Variants in CCDC178 observed in about 807,000 individuals in gnomAD.
CCDC178 encodes the protein coiled-coil domain containing 178.
In CCDC178, 126 loss-of-function variants were observed where a neutral mutation model predicts 117.4. That is an observed-to-expected ratio of 1.07 (90% confidence interval 0.93 to 1.24). The LOEUF (loss-of-function observed/expected upper bound fraction) is 1.24. Among genes scored for constraint, CCDC178 ranks in the 50% most tolerant of loss-of-function variants. The pLI, the probability that CCDC178 is intolerant of heterozygous loss-of-function variation, is 0.00. For missense variants in CCDC178, 1,030 were observed against 986.9 expected (o/e 1.04, Z -0.59); for synonymous variants, 283 against 313.4 (o/e 0.90, Z 1.02).
intron 2 of CCDC178, among the ~76,000 whole-genome samples, chr18:33,423,581 T>C (rs1883862916): frequency 6.6e-6 from 1 of 152,184 alleles, no homozygotes; most frequent in Admixed American, 6.5e-5. Flanking sequence ...TTTCTTTGTG[T>C]ATAGCACTAG....
intron 21 of CCDC178, among the ~76,000 whole-genome samples, chr18:33,060,803 C>G (rs2056908936): frequency 6.6e-6 from 1 of 152,008 alleles, no homozygotes; most frequent in Admixed American, 6.6e-5. Flanking sequence ...TGAGTTTATT[C>G]TACTTTTTAC....
chr18:33,249,209 C>T (rs536248268), intron 14 of CCDC178, among the ~76,000 whole-genome samples: 2,014 of 152,120 alleles, frequency 0.013, 24 homozygotes, highest in Non-Finnish European at 0.023. Context: ...TTCTCCCATT[C>T]TGTGGGTTGC....
intron 18 of CCDC178, among the ~76,000 whole-genome samples, chr18:33,220,485 A>C (rs957436142): frequency 6.6e-6 from 1 of 152,050 alleles, no homozygotes; most frequent in African/African-American, 2.4e-5. Context: ...CTGCTAAAAG[A>C]AATTACATGA....
intron 22 of CCDC178, among the ~76,000 whole-genome samples, chr18:32,940,242 A>G (rs2054207368): frequency 6.6e-6 from 1 of 152,078 alleles, no homozygotes; most frequent in African/African-American, 2.4e-5. Context: ...TTTTGAATTA[A>G]TGAAATTTGA....
intron 20 of CCDC178, among the ~76,000 whole-genome samples, chr18:33,137,333 T>C (rs2058141020): frequency 6.6e-6 from 1 of 152,186 alleles, no homozygotes; most frequent in African/African-American, 2.4e-5. Context: ...TCATAAAATA[T>C]AGTCTAAGGC....
chr18:33,060,459 C>G (rs149321376), intron 21 of CCDC178, among the ~76,000 whole-genome samples: 6 of 152,160 alleles, frequency 3.9e-5, no homozygotes, highest in African/African-American at 1.4e-4. Context: ...CCAGTTTTCT[C>G]AAATATGATT....
intron 21 of CCDC178, among the ~76,000 whole-genome samples, chr18:33,071,170 C>T (rs114676937): frequency 1.6e-3 from 245 of 151,884 alleles, no homozygotes; most frequent in African/African-American, 5.2e-3. Context: ...CTTTTAGGAG[C>T]GAGTAGTCAT....
chr18:33,042,366 A>T (rs2056564648), intron 21 of CCDC178, among the ~76,000 whole-genome samples: 1 of 151,958 alleles, frequency 6.6e-6, no homozygotes, highest in South Asian at 2.1e-4. Context: ...TAGAAAGTAC[A>T]GAGGGCAAAG....
chr18:33,383,740 C>T (rs1483372558), intron 5 of CCDC178, among the ~76,000 whole-genome samples: 2 of 152,104 alleles, frequency 1.3e-5, no homozygotes. Flanking sequence ...GTAGATAAAT[C>T]CATGAAGATG....
chr18:33,014,443 GA>G (rs1037211803), intron 21 of CCDC178, among the ~76,000 whole-genome samples: 1 of 152,122 alleles, frequency 6.6e-6, no homozygotes, highest in Non-Finnish European at 1.5e-5. Context: ...ACTGGAAAAA[GA>G]AATGTCTTTA....
intron 11 of CCDC178, among the ~76,000 whole-genome samples, chr18:33,307,905 G>C (rs574268396): frequency 6.6e-6 from 1 of 152,344 alleles, no homozygotes; most frequent in African/African-American, 2.4e-5. Context: ...CCTTTGTCTA[G>C]ATTTCAGAGG....
intron 2 of CCDC178, among the ~76,000 whole-genome samples, chr18:33,434,865 A>G (rs2064268269): frequency 1.3e-5 from 2 of 152,156 alleles, no homozygotes; most frequent in African/African-American, 2.4e-5. Context: ...GGGAAAAAAT[A>G]TTTAAAATGT....
At chr18:33,034,441 C>T (rs2056404304) in intron 21 of CCDC178, among the ~76,000 whole-genome samples, 1 of 152,004 alleles carries the variant, frequency 6.6e-6, no homozygotes, top group African/African-American at 2.4e-5. Context: ...GCACATAAAA[C>T]TTTTCCAAAT....
chr18:33,323,461 C>A (rs754709439), intron 11 of CCDC178, 30 bp downstream of exon 11: 3 of 1,355,258 alleles, frequency 2.2e-6, no homozygotes, highest in East Asian at 2.6e-5. Flanking sequence ...TTTCTAAATG[C>A]TATAATTAGT....
At chr18:33,034,151 C>G (rs1256195636) in intron 21 of CCDC178, among the ~76,000 whole-genome samples, 1 of 151,994 alleles carries the variant, frequency 6.6e-6, no homozygotes, top group Non-Finnish European at 1.5e-5. Context: ...GCATTTCTGT[C>G]TATCTTGTGG....
rs374991241 is a variant in CCDC178 at position 32,962,225 on chromosome 18, A to T, written c.2523+12322T>A. On this transcript the variant is annotated intron_variant, in intron 22 of 22. Transcript: ENST00000383096. Reference sequence around the variant, plus strand: ...TTACTCGAATTTATTTTGCATTTATATATACTGTAAATCTTATACTACAAT... The same window carrying T: ...TTACTCGAATTTATTTTGCATTTATTTATACTGTAAATCTTATACTACAAT... Among the ~76,000 whole-genome samples, 47 of 152,138 alleles carry T rather than the reference A, an allele frequency of 3.1e-4. No homozygotes were observed. The East Asian group carries it at 8.3e-3, about 27-fold the overall frequency.
At chr18:33,131,177 C>T (rs2144255613) in intron 20 of CCDC178, among the ~76,000 whole-genome samples, 1 of 151,972 alleles carries the variant, frequency 6.6e-6, no homozygotes, top group South Asian at 2.1e-4. Context: ...AATTTTCTAT[C>T]TGAAAATATT....
intron 21 of CCDC178, among the ~76,000 whole-genome samples, chr18:33,081,912 T>C (rs1318221141): frequency 6.6e-6 from 1 of 152,308 alleles, no homozygotes; most frequent in East Asian, 1.9e-4. Context: ...ATTATTTTGA[T>C]AGGAAATCAG....
chr18:33,117,440 C>A lies in CCDC178; in HGVS notation c.2239-24530G>T, dbSNP rs1020329270. Among the ~76,000 whole-genome samples the A allele has an allele frequency of 7.2e-5, 11 of 152,128 alleles. No individual in the cohort carries two copies. In the South Asian group the frequency reaches 8.3e-4, roughly 11 times the overall value. ...GTCCTTAATCTGCCAGCAACGTAGA[C>A]CAACTTGAGTCCCTGATATGGCAAC... is the stretch of plus-strand genomic sequence containing the variant. On this transcript the variant is annotated intron_variant, in intron 20 of 22. Transcript: ENST00000383096.
Sources: allele counts gnomAD v4.1 joint callset (sites outside exome capture counted in the v4.1 genomes callset), GRCh38; gene constraint gnomAD v4.1.1; transcripts MANE v1.5; gene names NCBI Gene and HGNC (gene_info 2026-07-23, HGNC 2026-07-21).